Variants in ITPR2 observed in about 807,000 individuals in gnomAD.
ITPR2 encodes the protein inositol 1,4,5-trisphosphate-gated calcium channel ITPR2.
ITPR2 carries 207 observed loss-of-function variants against 317.1 expected under a neutral mutation model. That is an observed-to-expected ratio of 0.65 (90% confidence interval 0.58 to 0.73). The LOEUF is 0.73. Ranked by LOEUF, ITPR2 falls within the 30% of genes least tolerant of loss-of-function variation. The pLI, the probability that ITPR2 is intolerant of heterozygous loss-of-function variation, is 0.00. For missense variants in ITPR2, 2,613 were observed against 3,284.0 expected (o/e 0.80, Z 4.99); for synonymous variants, 1,156 against 1,149.1 (o/e 1.01, Z -0.12).
chr12:26,363,893 A>G (rs924177734), intron 55 of ITPR2, among the ~76,000 whole-genome samples: 3 of 152,262 alleles, frequency 2.0e-5, no homozygotes, highest in Admixed American at 6.5e-5. Context: ...CTTTATGTAT[A>G]AAATGTCTTC....
intron 55 of ITPR2, among the ~76,000 whole-genome samples, chr12:26,365,913 T>C (rs1938993698): frequency 6.6e-6 from 1 of 152,214 alleles, no homozygotes; most frequent in Admixed American, 6.5e-5. Context: ...TTGCACACTG[T>C]CAAATTTACC....
chr12:26,776,577 T>C (rs1312511146), intron 2 of ITPR2, among the ~76,000 whole-genome samples: 1 of 152,170 alleles, frequency 6.6e-6, no homozygotes, highest in Non-Finnish European at 1.5e-5. Context: ...ACCCTGCAAC[T>C]AGGAATGGGG....
chr12:26,550,526 T>G (rs11048575), intron 36 of ITPR2, among the ~76,000 whole-genome samples, 171 bp from the exon 37 acceptor site: 67,277 of 151,950 alleles, frequency 0.44, 16,162 homozygotes, highest in South Asian at 0.62. Flanking sequence ...AAATTTTGTA[T>G]TACAACACAT....
intron 9 of ITPR2, among the ~76,000 whole-genome samples, chr12:26,704,825 T>C (rs1046812657): frequency 6.6e-6 from 1 of 152,196 alleles, no homozygotes; most frequent in Admixed American, 6.5e-5. Context: ...TCAGACAGAT[T>C]GTAAACAGTA....
rs71452025 is a variant in ITPR2, at chr12:26,767,380, G to A, written c.163+22777C>T. Among the ~76,000 whole-genome samples, 651 of 152,286 alleles carry A rather than the reference G, an allele frequency of 4.3e-3. 3 individuals carry two copies. Among genetic ancestry groups the A allele is most frequent in the Non-Finnish European group, 6.5e-3 (444 of 68,016 alleles). On this transcript the variant is annotated intron_variant, in intron 2 of 56. Coordinates refer to ENST00000381340, the MANE Select transcript of ITPR2 (RefSeq NM_002223.4). ...TAAAGTTCTGAGCCTAGGGCAGGAA[G>A]CTCTTTCAATATGAAACTTGACCTG... is the stretch of plus-strand genomic sequence containing the variant.
At chr12:26,635,644 T>A (rs971441087) in intron 21 of ITPR2, among the ~76,000 whole-genome samples, 8 of 152,250 alleles carry the variant, frequency 5.3e-5, no homozygotes, top group South Asian at 2.1e-4. Context: ...TTTGAATAAA[T>A]GCATCTGCTG....
rs1591895545 is a variant in ITPR2 at position 26,556,492 on chromosome 12, T to C, written c.4822-117A>G. The C allele has an allele frequency of 2.1e-5, 19 of 905,594 alleles. No homozygotes were observed. In the South Asian group the frequency reaches 2.9e-4, roughly 14 times the overall value. The allele number at this position is 905,594 out of a possible 1,614,324, so 56.1% of individuals were successfully genotyped here. ...TTTTATAGATGCCCCTCTATTTCCATAGCAGCAAATGTCTGTGCCATAATT... is the reference window on the plus strand; with the variant it reads ...TTTTATAGATGCCCCTCTATTTCCACAGCAGCAAATGTCTGTGCCATAATT... On this transcript the variant is annotated intron_variant, in intron 35 of 56. Transcript: ENST00000381340.
At position 26,594,572 on chromosome 12, in the gene ITPR2, T is replaced by C. The variant is rs555492301; in HGVS notation, c.4380+893A>G. Reference sequence around the variant, plus strand: ...CAAAGCTACTAGCACTCAGGAATGTTGGAAGGCCAAAGGGGCTGAGTCCAG... The same window carrying C: ...CAAAGCTACTAGCACTCAGGAATGTCGGAAGGCCAAAGGGGCTGAGTCCAG... On this transcript the variant is annotated intron_variant, in intron 32 of 56. Transcript: ENST00000381340. Among the ~76,000 whole-genome samples, 3 of 152,296 alleles carry C rather than the reference T, an allele frequency of 2.0e-5. No homozygotes were observed. The South Asian group carries it at 6.2e-4, about 32-fold the overall frequency.
At chr12:26,621,041 A>G (rs1946480157) in intron 26 of ITPR2, 82 bp downstream of exon 26, 1 of 1,282,846 alleles carries the variant, frequency 7.8e-7, no homozygotes, top group Non-Finnish European at 1.1e-6. Flanking sequence ...TTTATGAACA[A>G]TTTTGATTGT....
chr12:26,819,140 T>A (rs574529234), intron 1 of ITPR2, among the ~76,000 whole-genome samples: 1 of 152,238 alleles, frequency 6.6e-6, no homozygotes, highest in African/African-American at 2.4e-5. Context: ...TTTCAAGTTA[T>A]TTTGTAATTT....
chr12:26,621,059 G>A (rs1946480597), intron 26 of ITPR2, 64 bp downstream of exon 26: 1 of 1,359,352 alleles, frequency 7.4e-7, no homozygotes, highest in Non-Finnish European at 1.0e-6. Context: ...TGTAGAGCAT[G>A]TGGTTATATA....
At chr12:26,578,051 G>A (rs1229498960) in intron 34 of ITPR2, among the ~76,000 whole-genome samples, 1 of 152,158 alleles carries the variant, frequency 6.6e-6, no homozygotes, top group Non-Finnish European at 1.5e-5. Flanking sequence ...AATGTCTGCA[G>A]AGCCACCATT....
At chr12:26,489,652 C>T (rs1016300367) in intron 39 of ITPR2, among the ~76,000 whole-genome samples, 1 of 152,166 alleles carries the variant, frequency 6.6e-6, no homozygotes, top group East Asian at 1.9e-4. Context: ...TTCCTTATTG[C>T]TATCATTAGG....
intron 55 of ITPR2, among the ~76,000 whole-genome samples, chr12:26,383,574 C>T (rs1414689228): frequency 6.6e-6 from 1 of 151,924 alleles, no homozygotes; most frequent in Non-Finnish European, 1.5e-5. Context: ...AGCTCCACCT[C>T]CCAGGTTCTC....
rs571086576 is a variant in ITPR2 at position 26,336,020 on chromosome 12, G to A, written c.*3377C>T. On this transcript the variant is annotated 3_prime_UTR_variant, in exon 57 of 57. Coordinates refer to ENST00000381340, the MANE Select transcript of ITPR2 (RefSeq NM_002223.4). ...CCACACAGCTTTGTTCTCTGCATGG[G>A]TGAGGGGTATCTCTGGGGTCCATCA... 1 of 152,358 alleles carries A rather than the reference G, an allele frequency of 6.6e-6. No homozygotes were observed. Among genetic ancestry groups the A allele is most frequent in the African/African-American group, 2.4e-5 (1 of 41,578 alleles). 9.4% of individuals were successfully genotyped at this position (152,358 alleles called of 1,614,324 possible).
At chr12:26,371,213 C>G (rs892687733) in intron 55 of ITPR2, among the ~76,000 whole-genome samples, 4 of 152,190 alleles carry the variant, frequency 2.6e-5, no homozygotes, top group Non-Finnish European at 4.4e-5. Context: ...CACCCAAACT[C>G]AAAACCTTAG....
rs778699383 is a variant in ITPR2 at position 26,599,388 on chromosome 12, A to G, written c.3802-43T>C. 10 of 1,557,200 alleles carry G rather than the reference A, an allele frequency of 6.4e-6. No homozygotes were observed. In the South Asian group the frequency reaches 7.8e-5, roughly 12 times the overall value. On this transcript the variant is annotated intron_variant, in intron 29 of 56. Coordinates refer to ENST00000381340, the MANE Select transcript of ITPR2 (RefSeq NM_002223.4). ...TGCCCTTGTAATTCTGACAAGATCA[A>G]TTTTCTATTCTACAGTACTTAGACT... is the stretch of plus-strand genomic sequence containing the variant.
intron 1 of ITPR2, among the ~76,000 whole-genome samples, chr12:26,832,047 T>C (rs1429916531): frequency 6.6e-6 from 1 of 152,028 alleles, no homozygotes; most frequent in Non-Finnish European, 1.5e-5. Context: ...GTCTGAGTTC[T>C]AGAACCCAGG....
intron 37 of ITPR2, among the ~76,000 whole-genome samples, chr12:26,497,235 G>C (rs1184607545): frequency 6.8e-5 from 10 of 147,942 alleles, no homozygotes; most frequent in African/African-American, 2.5e-4. Context: ...CTCACTGCAA[G>C]CTCCGCCTCC....
Sources: allele counts gnomAD v4.1 joint callset (sites outside exome capture counted in the v4.1 genomes callset), GRCh38; gene constraint gnomAD v4.1.1; transcripts MANE v1.5; gene names NCBI Gene and HGNC (gene_info 2026-07-23, HGNC 2026-07-21).